Variants in GSG1L observed in about 807,000 individuals in gnomAD.
GSG1L encodes the protein GSG1 like.
In GSG1L, 24 loss-of-function variants were observed where a neutral mutation model predicts 42.1. The ratio of observed to expected loss-of-function variants is 0.57; its 90% confidence interval spans 0.41 to 0.80. The LOEUF is 0.80. GSG1L is among the 30% of genes least tolerant of loss of function. The probability of loss-of-function intolerance (pLI) is 0.00; values close to 1 mark genes in which losing one functional copy is unlikely to be tolerated. For missense variants in GSG1L, 445 were observed against 472.2 expected, an observed-to-expected ratio of 0.94 and a Z score of 0.53; for synonymous variants, 215 against 203.5, an observed-to-expected ratio of 1.06 and a Z score of -0.48.
intron 3 of GSG1L, among the ~76,000 whole-genome samples, chr16:27,862,275 T>A (rs1302695265): frequency 1.3e-5 from 2 of 152,146 alleles, no homozygotes; most frequent in East Asian, 3.9e-4. Flanking sequence ...GGCAAGGAAC[T>A]GAAGGTGACC....
At chr16:27,939,799 T>C (rs1303954430) in intron 2 of GSG1L, among the ~76,000 whole-genome samples, 4 of 152,228 alleles carry the variant, frequency 2.6e-5, no homozygotes, top group Non-Finnish European at 5.9e-5. Flanking sequence ...TTGTTTTCTT[T>C]CCCTCATGCA....
At chr16:27,923,782 G>GAA (rs1183938443) in intron 2 of GSG1L, among the ~76,000 whole-genome samples, 1 of 151,084 alleles carries the variant, frequency 6.6e-6, no homozygotes, top group Non-Finnish European at 1.5e-5. Context: ...GAGAGAGAGA[G>GAA]AAAGAAAGAC....
chr16:27,946,602 AGAGAGAGAGAGAGAGAGAGAGAGAGAG>A lies in GSG1L; in HGVS notation c.397+16527_397+16553del, dbSNP rs1567529820. Among the ~76,000 whole-genome samples the A allele has an allele frequency of 4.4e-3, 30 of 6,866 alleles. 2 individuals are homozygous for A. Among genetic ancestry groups the A allele is most frequent in the African/African-American group, 0.013 (29 of 2,280 alleles). The allele number at this position is 6,866 out of a possible 152,430, so 4.5% of individuals were successfully genotyped here. Reference sequence around the variant, plus strand: ...GAAAGAGAGAGAGAGAGAGAGAGAGAGAGAGAGAGAGAGAGAGAGAGAGAGAGAGAAAGAAAGAAAGAAAGAAAGAAA... The same window carrying A: ...GAAAGAGAGAGAGAGAGAGAGAGAGAAGAAAGAAAGAAAGAAAGAAAGAAA... On this transcript the variant is annotated intron_variant, in intron 2 of 6. Transcript: ENST00000447459.
At chr16:27,835,777 T>C (rs1402830647) in intron 4 of GSG1L, among the ~76,000 whole-genome samples, 2 of 152,264 alleles carry the variant, frequency 1.3e-5, no homozygotes, top group East Asian at 3.9e-4. Context: ...CTTGGCTCCC[T>C]TTGTGACCCT....
chr16:28,054,676 A>G (rs1173074606), intron 1 of GSG1L, among the ~76,000 whole-genome samples: 1 of 151,688 alleles, frequency 6.6e-6, no homozygotes, highest in Non-Finnish European at 1.5e-5. Context: ...ATTATTACAA[A>G]TATTTTTACA....
rs1324202849 is a variant in GSG1L at position 27,789,504 on chromosome 16, T to A, written c.*1866A>T. 1 of 151,038 alleles carries A rather than the reference T, an allele frequency of 6.6e-6. No individual in the cohort carries two copies. The highest frequency in any genetic ancestry group is 1.5e-5 in the Non-Finnish European group (1 of 67,844). 9.4% of individuals were successfully genotyped at this position (151,038 alleles called of 1,614,324 possible). A position where few individuals can be genotyped will look rare whatever the true frequency, so the allele number is the denominator to read the frequency against. On this transcript the variant is annotated 3_prime_UTR_variant, in exon 7 of 7. Transcript: ENST00000447459. ...GATGGATGAATGGATAGATAGTGGA[T>A]GGAAAGATGATGGATGATGGATGGA...
intron 1 of GSG1L, among the ~76,000 whole-genome samples, chr16:28,035,157 C>T (rs1381423345): frequency 6.6e-6 from 1 of 152,058 alleles, no homozygotes; most frequent in Non-Finnish European, 1.5e-5. Context: ...TGGCCACGCA[C>T]CAGCAAACCC....
chr16:28,055,431 C>A lies in GSG1L; in HGVS notation c.349+7645G>T, dbSNP rs532635829. 2.0e-5 allele frequency among the ~76,000 whole-genome samples: 3 copies of A among 151,858 alleles called. No individual in the cohort carries two copies. In the South Asian group the frequency reaches 6.3e-4, roughly 32 times the overall value. On this transcript the variant is annotated intron_variant, in intron 1 of 6. Coordinates refer to ENST00000447459, the MANE Select transcript of GSG1L (RefSeq NM_001109763.2). ...GGATTACAGGCGTGAGCCATTGTGC[C>A]GAGCTAGCATTGTTCTAATAAACTC... is the stretch of plus-strand genomic sequence containing the variant.
At chr16:27,846,585 C>A (rs1319075418) in intron 3 of GSG1L, among the ~76,000 whole-genome samples, 3 of 152,168 alleles carry the variant, frequency 2.0e-5, no homozygotes, top group Non-Finnish European at 4.4e-5. Context: ...TAAGGAAATT[C>A]AATAAGTAAA....
chr16:28,001,090 C>T (rs2085574059), intron 1 of GSG1L, among the ~76,000 whole-genome samples: 1 of 152,182 alleles, frequency 6.6e-6, no homozygotes, highest in Non-Finnish European at 1.5e-5. Flanking sequence ...AGCAGCTCCA[C>T]CAGCAGACAA....
At position 27,862,511 on chromosome 16, in the gene GSG1L, T is replaced by C. The variant is rs573914234; in HGVS notation, c.551-17450A>G. Among the ~76,000 whole-genome samples the C allele has an allele frequency of 2.0e-5, 3 of 152,352 alleles. No individual in the cohort carries two copies. The South Asian group carries it at 6.2e-4, about 32-fold the overall frequency. On this transcript the variant is annotated intron_variant, in intron 3 of 6. Coordinates refer to ENST00000447459, the MANE Select transcript of GSG1L (RefSeq NM_001109763.2). ...ACTGCTGATCCACAGAATTGTGAGC[T>C]AAGAAATGTGTGTTGTTTTAAGTTG...
rs368383321 is a variant in GSG1L, at chr16:27,968,862, A to G, written c.350-5659T>C. Among the ~76,000 whole-genome samples, 5 of 152,334 alleles carry G rather than the reference A, an allele frequency of 3.3e-5. No homozygotes were observed. In the East Asian group the frequency reaches 7.7e-4, roughly 23 times the overall value. ...GGCTGCTCACACCTGTAATCCCAAC[A>G]TTTTGGGAGGCCAAGGCAGGCGGAT... On this transcript the variant is annotated intron_variant, in intron 1 of 6. Coordinates refer to ENST00000447459, the MANE Select transcript of GSG1L (RefSeq NM_001109763.2).
intron 4 of GSG1L, among the ~76,000 whole-genome samples, chr16:27,829,767 G>T (rs1368912174): frequency 3.3e-5 from 5 of 152,148 alleles, no homozygotes; most frequent in African/African-American, 9.7e-5. Flanking sequence ...TTGTTACAAG[G>T]ATTAAAGGAG....
At chr16:27,838,295 G>T (rs1167630871) in intron 4 of GSG1L, among the ~76,000 whole-genome samples, 1 of 152,186 alleles carries the variant, frequency 6.6e-6, no homozygotes, top group East Asian at 1.9e-4. Context: ...ACACTGCTCT[G>T]GTTTTAGCAT....
At chr16:27,806,109 G>C (rs28420851) in intron 6 of GSG1L, among the ~76,000 whole-genome samples, 62,578 of 151,856 alleles carry the variant, frequency 0.41, 13,211 homozygotes, top group African/African-American at 0.48. Context: ...GTCCCTGCAG[G>C]AGGAGTTCTC....
intron 1 of GSG1L, among the ~76,000 whole-genome samples, chr16:27,979,579 AAAG>A (rs2085290209): frequency 6.8e-6 from 1 of 147,610 alleles, no homozygotes; most frequent in Admixed American, 6.9e-5. Flanking sequence ...AAAAAAAAAA[AAAG>A]AAAGAAGGAA....
At chr16:27,797,126 T>C (rs867249327) in intron 6 of GSG1L, among the ~76,000 whole-genome samples, 3 of 152,198 alleles carry the variant, frequency 2.0e-5, no homozygotes, top group African/African-American at 7.2e-5. Flanking sequence ...ATTAAGTCAT[T>C]GTTTCAAGGC....
At position 27,963,983 on chromosome 16, in the gene GSG1L, G is replaced by A. The variant is rs371173848; in HGVS notation, c.350-780C>T. On this transcript the variant is annotated intron_variant, in intron 1 of 6. Transcript: ENST00000447459. ...TTAAAAGAAAGAAAACAAAAGTGGTGTGCTACAGTGGATGGATTTTGAATG... is the reference window on the plus strand; with the variant it reads ...TTAAAAGAAAGAAAACAAAAGTGGTATGCTACAGTGGATGGATTTTGAATG... Among the ~76,000 whole-genome samples the A allele has an allele frequency of 4.6e-5, 7 of 152,262 alleles. No homozygotes were observed. In the East Asian group the frequency reaches 1.2e-3, roughly 25 times the overall value.
chr16:27,910,784 C>T (rs1260276894), intron 2 of GSG1L, among the ~76,000 whole-genome samples: 1 of 152,178 alleles, frequency 6.6e-6, no homozygotes, highest in Non-Finnish European at 1.5e-5. Context: ...GAGGCCAAGG[C>T]AGCAGGATTG....
Sources: gnomAD v4.1 joint callset for allele counts (sites outside exome capture counted in the v4.1 genomes callset) on GRCh38, gnomAD v4.1.1 for gene constraint, MANE v1.5 for transcripts, NCBI Gene and HGNC (gene_info 2026-07-23, HGNC 2026-07-21) for gene names.